Variants in MKX observed in about 807,000 individuals in gnomAD.
MKX encodes the protein mohawk homeobox.
Under a neutral mutation model 36.0 loss-of-function variants are expected in MKX, and 13 were observed. That is an observed-to-expected ratio of 0.36 (90% CI 0.24 to 0.57). The LOEUF (loss-of-function observed/expected upper bound fraction) is 0.57. Among genes scored for constraint, MKX ranks in the 20% least tolerant of loss-of-function variants. MKX has a pLI of 0.79. For missense variants in MKX, 458 were observed against 456.4 expected (o/e 1.00, Z -0.03); for synonymous variants, 176 against 178.3 (o/e 0.99, Z 0.10).
chr10:27,715,376 G>A (rs556458015), intron 5 of MKX, among the ~76,000 whole-genome samples: 9 of 152,274 alleles, frequency 5.9e-5, no homozygotes, highest in Admixed American at 2.0e-4. Flanking sequence ...GTGGCACTCC[G>A]GGAGAAAGGA....
chr10:27,720,677 CCTT>C (rs1564360717), intron 5 of MKX, among the ~76,000 whole-genome samples: 1 of 152,028 alleles, frequency 6.6e-6, no homozygotes, highest in African/African-American at 2.4e-5. Flanking sequence ...ACACCAGAAA[CCTT>C]CTGCAAACAT....
At chr10:27,733,412 A>G (rs193071835) in intron 5 of MKX, among the ~76,000 whole-genome samples, 1 of 152,336 alleles carries the variant, frequency 6.6e-6, no homozygotes, top group East Asian at 1.9e-4. Flanking sequence ...TATAGTTTAT[A>G]TCATAGGGCC....
chr10:27,734,324 T>G, intron 5 of MKX, 132 bp downstream of exon 5: 1 of 815,980 alleles, frequency 1.2e-6, no homozygotes, highest in East Asian at 2.7e-5. Context: ...AACGAAAGCT[T>G]TAAAACTGAA....
intron 5 of MKX, among the ~76,000 whole-genome samples, chr10:27,705,481 A>G (rs901664000): frequency 6.6e-6 from 1 of 152,132 alleles, no homozygotes; most frequent in Non-Finnish European, 1.5e-5. Context: ...CAGCCTCCTG[A>G]GTAGCTGGGA....
Position 27,729,646 on chromosome 10 carries a change from A to C in MKX, c.838+4810T>G, listed in dbSNP as rs138049619. Reference sequence around the variant, plus strand: ...ATAAACTGATCATCTGTGATCTGTGAAAGGGAAAAATGCAACAAGGGCTTG... The same window carrying C: ...ATAAACTGATCATCTGTGATCTGTGCAAGGGAAAAATGCAACAAGGGCTTG... On this transcript the variant is annotated intron_variant, in intron 5 of 6. Transcript: ENST00000419761. Among the ~76,000 whole-genome samples the C allele has an allele frequency of 3.9e-5, 6 of 152,162 alleles. No homozygotes were observed. The East Asian group carries it at 9.7e-4, about 25-fold the overall frequency.
intron 5 of MKX, among the ~76,000 whole-genome samples, chr10:27,684,245 G>T (rs1836303365): frequency 6.6e-6 from 1 of 152,046 alleles, no homozygotes; most frequent in Admixed American, 6.6e-5. Flanking sequence ...AACCTAGGAG[G>T]TCAAGGCTGC....
intron 5 of MKX, among the ~76,000 whole-genome samples, chr10:27,706,966 A>G (rs546899052): frequency 6.6e-6 from 1 of 152,290 alleles, no homozygotes; most frequent in East Asian, 1.9e-4. Flanking sequence ...TCCTTGTTCT[A>G]TGCTCATCTA....
chr10:27,699,815 A>G (rs1464658947), intron 5 of MKX, among the ~76,000 whole-genome samples: 2 of 152,214 alleles, frequency 1.3e-5, no homozygotes, highest in Non-Finnish European at 1.5e-5. Context: ...ATCACTTGTT[A>G]ATTTGAAACA....
Position 27,674,998 on chromosome 10 carries a change from A to T in MKX, c.*231T>A. 2.5e-6 allele frequency: 1 copy of T among 403,686 alleles called. No homozygotes were observed. The highest frequency in any genetic ancestry group is 3.8e-5 in the South Asian group (1 of 26,448). The allele number at this position is 403,686 out of a possible 1,614,324, so 25.0% of individuals were successfully genotyped here. On this transcript the variant is annotated 3_prime_UTR_variant, in exon 7 of 7. Coordinates refer to ENST00000419761, the MANE Select transcript of MKX (RefSeq NM_173576.3). Reference sequence around the variant, plus strand: ...GGCACTTACTGTAATGGTAATGCAGATGTTTTATGCATAGTTTGAGTAACA... The same window carrying T: ...GGCACTTACTGTAATGGTAATGCAGTTGTTTTATGCATAGTTTGAGTAACA...
chr10:27,734,544 G>C lies in MKX; in HGVS notation c.750C>G (p.His250Gln). ...TMMGKTRQRN[H>Q]SGSFSSNEFE... is the part of the protein sequence containing the mutation. ...ATTCATTGGAGCTAAAAGATCCCGAGTGGTTTCTTTGCCTTGTTTTTCCCA... is the reference window on the plus strand; with the variant it reads ...ATTCATTGGAGCTAAAAGATCCCGACTGGTTTCTTTGCCTTGTTTTTCCCA... The change falls in exon 5 of 7, where the codon CAC becomes CAG. Residue 250 changes from histidine to glutamine, a missense_variant. By Grantham distance (24) the His-to-Gln change is conservative. Transcript: ENST00000419761. 1.2e-6 allele frequency: 2 copies of C among 1,614,170 alleles called. No individual in the cohort carries two copies.
At chr10:27,737,691 TCA>T (rs1039922646) in intron 3 of MKX, among the ~76,000 whole-genome samples, 4 of 152,120 alleles carry the variant, frequency 2.6e-5, no homozygotes, top group African/African-American at 9.7e-5. Flanking sequence ...TTTGCTCCTT[TCA>T]CACACAGAGT....
intron 5 of MKX, among the ~76,000 whole-genome samples, chr10:27,693,353 G>A (rs1233626687): frequency 6.6e-6 from 1 of 152,084 alleles, no homozygotes; most frequent in Non-Finnish European, 1.5e-5. Context: ...AGGTATTTCT[G>A]TAGGCATCAC....
Position 27,744,867 on chromosome 10 carries a change from G to A in MKX, c.-83+840C>T, listed in dbSNP as rs1431974159. 2.0e-5 allele frequency: 3 copies of A among 152,316 alleles called. No individual in the cohort carries two copies. The highest frequency in any genetic ancestry group is 7.2e-5 in the African/African-American group (3 of 41,434). The allele number at this position is 152,316 out of a possible 1,614,324, so 9.4% of individuals were successfully genotyped here. On this transcript the variant is annotated intron_variant, in intron 1 of 6. Transcript: ENST00000419761. The surrounding 1 kb of genome is among the most constrained non-coding windows in gnomAD (Gnocchi z 5.6). The stretch of plus-strand genomic sequence containing the variant: ...ACCACCGCGATCAAACGACGGCTAC[G>A]GTCTGTGTTCGTAGGGAAGTGAAGT...
chr10:27,711,471 CTT>C (rs60709908), intron 5 of MKX, among the ~76,000 whole-genome samples: 358 of 34,122 alleles, frequency 0.01, 4 homozygotes, highest in African/African-American at 0.046. Flanking sequence ...TTCTTTCTTT[CTT>C]TCTTTCTTTC....
In MKX at chr10:27,744,242, G is replaced by T. The variant is rs11006699; in HGVS notation, c.-82-745C>A. Among the ~76,000 whole-genome samples, 2,416 of 152,118 alleles carry T rather than the reference G, an allele frequency of 0.016. 160 individuals carry two copies. In the East Asian group the frequency reaches 0.2, roughly 12 times the overall value. ...AGTGCATGGTCCTAAGGTCCAAGGC[G>T]CCAGGACCCAGGTCCCCAGAGCCCT... is the stretch of plus-strand genomic sequence containing the variant. On this transcript the variant is annotated intron_variant, in intron 1 of 6. Transcript: ENST00000419761. The surrounding 1 kb of genome is among the most constrained non-coding windows in gnomAD (Gnocchi z 5.6).
At chr10:27,699,295 G>A (rs796440042) in intron 5 of MKX, among the ~76,000 whole-genome samples, 8 of 152,176 alleles carry the variant, frequency 5.3e-5, no homozygotes, top group African/African-American at 1.9e-4. Context: ...TAGCCACAAG[G>A]TGCCCTTAAA....
chr10:27,725,418 A>T (rs181841771), intron 5 of MKX, among the ~76,000 whole-genome samples: 35 of 152,276 alleles, frequency 2.3e-4, no homozygotes, highest in African/African-American at 8.4e-4. Flanking sequence ...AAATTGGGCA[A>T]AGTGAACACA....
intron 5 of MKX, among the ~76,000 whole-genome samples, chr10:27,703,296 T>C (rs138770151): frequency 6.6e-6 from 1 of 152,330 alleles, no homozygotes; most frequent in Non-Finnish European, 1.5e-5. Flanking sequence ...GTATTTGTAT[T>C]GCCTTCATTT....
At chr10:27,736,183 G>A (rs1018350700) in intron 3 of MKX, among the ~76,000 whole-genome samples, 8 of 152,072 alleles carry the variant, frequency 5.3e-5, no homozygotes, top group Non-Finnish European at 1.2e-4. Context: ...GCCAAGCTTT[G>A]GAAACCATTA....
Sources: gnomAD v4.1 joint callset for allele counts (sites outside exome capture counted in the v4.1 genomes callset) on GRCh38, gnomAD v4.1.1 for gene constraint, Gnocchi (gnomAD v3.1) non-coding constraint, MANE v1.5 for transcripts, NCBI Gene and HGNC (gene_info 2026-07-23, HGNC 2026-07-21) for gene names.